The following CTNND2 variants were observed in gnomAD, a reference collection of about 807,000 sequenced individuals.
The protein encoded by CTNND2 is catenin delta-2.
In CTNND2, 22 loss-of-function variants were observed where a neutral mutation model predicts 144.4. The ratio of observed to expected loss-of-function variants is 0.15; its 90% CI spans 0.11 to 0.22. The LOEUF is 0.22. Ranked by LOEUF, CTNND2 falls within the 10% of genes least tolerant of loss-of-function variation. CTNND2 has a pLI of 1.00. For synonymous variants in CTNND2, 751 were observed against 695.6 expected (o/e 1.08, Z -1.25); for missense variants, 1,353 against 1,618.8 (o/e 0.84, Z 2.82).
intron 11 of CTNND2, among the ~76,000 whole-genome samples, chr5:11,196,546 G>A (rs1736873481): frequency 6.6e-6 from 1 of 152,188 alleles, no homozygotes; most frequent in Non-Finnish European, 1.5e-5. Flanking sequence ...TTAGATCTTT[G>A]TTTTGTTTAA....
chr5:11,302,975 C>T (rs1749771756), intron 9 of CTNND2, among the ~76,000 whole-genome samples: 2 of 152,164 alleles, frequency 1.3e-5, no homozygotes, highest in Non-Finnish European at 2.9e-5. Context: ...GACCCACAGG[C>T]ATAGCCAGAC....
rs74320358 is a variant in CTNND2 at position 11,781,991 on chromosome 5, C to T, written c.38-49719G>A. Among the ~76,000 whole-genome samples, 557 of 152,298 alleles carry T rather than the reference C, an allele frequency of 3.7e-3. 2 individuals are homozygous for T. Among genetic ancestry groups the T allele is most frequent in the Non-Finnish European group, 5.0e-3 (342 of 68,028 alleles). Reference sequence around the variant, plus strand: ...GATTGTAGCTCCCATAATCCAACCACGTCATGGGAGGGGCCTGGTGGGAGG... The same window carrying T: ...GATTGTAGCTCCCATAATCCAACCATGTCATGGGAGGGGCCTGGTGGGAGG... On this transcript the variant is annotated intron_variant, in intron 1 of 21. Transcript: ENST00000304623.
In CTNND2 at chr5:11,388,579, A is replaced by G. The variant is rs61749831; in HGVS notation, c.613-3350T>C. 9.3e-3 allele frequency among the ~76,000 whole-genome samples: 1,414 copies of G among 152,350 alleles called. 16 individuals carry two copies. Among genetic ancestry groups the G allele is most frequent in the African/African-American group, 0.032 (1,340 of 41,578 alleles). On this transcript the variant is annotated intron_variant, in intron 6 of 21. Transcript: ENST00000304623. Reference sequence around the variant, plus strand: ...ATAGAGTAATAAATGCCTAAGAACTATTCTTTGGTTAAACAGAGAAATTTG... The same window carrying G: ...ATAGAGTAATAAATGCCTAAGAACTGTTCTTTGGTTAAACAGAGAAATTTG...
chr5:10,994,371 A>G (rs1387791631), intron 18 of CTNND2, among the ~76,000 whole-genome samples: 1 of 19,858 alleles, frequency 5.0e-5, no homozygotes, highest in Non-Finnish European at 9.7e-5. Flanking sequence ...GGGAAGGAGG[A>G]AGGGGCCGGG....
chr5:11,901,834 T>C (rs949655192), intron 1 of CTNND2, among the ~76,000 whole-genome samples: 1 of 152,110 alleles, frequency 6.6e-6, no homozygotes, highest in Non-Finnish European at 1.5e-5. Flanking sequence ...AACTAGTCCT[T>C]TAAAAATCAT....
intron 1 of CTNND2, among the ~76,000 whole-genome samples, chr5:11,797,186 T>A (rs564758106): frequency 2.7e-4 from 41 of 152,282 alleles, no homozygotes; most frequent in African/African-American, 9.9e-4. Flanking sequence ...AGGAAAAGAC[T>A]TTAAAAGTCT....
chr5:11,397,235 A>G (rs1301465191), intron 5 of CTNND2, 32 bp from the exon 6 acceptor site: 1 of 1,594,012 alleles, frequency 6.3e-7, no homozygotes, highest in Non-Finnish European at 8.6e-7. Context: ...GCAGTCAGTG[A>G]CAGTCTCAGT....
intron 1 of CTNND2, among the ~76,000 whole-genome samples, chr5:11,749,829 A>T (rs1247335158): frequency 6.6e-6 from 1 of 152,034 alleles, no homozygotes; most frequent in Non-Finnish European, 1.5e-5. Flanking sequence ...TTGTCATCAG[A>T]TGATCTAATC....
intron 9 of CTNND2, among the ~76,000 whole-genome samples, chr5:11,306,351 C>T (rs547895621): frequency 6.6e-6 from 1 of 152,296 alleles, no homozygotes; most frequent in East Asian, 1.9e-4. Context: ...GGTCTATTTG[C>T]TTCACTTATC....
chr5:11,817,739 C>T (rs1793070269), intron 1 of CTNND2, among the ~76,000 whole-genome samples: 1 of 152,008 alleles, frequency 6.6e-6, no homozygotes, highest in Non-Finnish European at 1.5e-5. Flanking sequence ...GATGCGAGTC[C>T]ACTCACAAAG....
chr5:11,832,396 A>C (rs541543674), intron 1 of CTNND2, among the ~76,000 whole-genome samples: 1 of 152,342 alleles, frequency 6.6e-6, no homozygotes, highest in South Asian at 2.1e-4. Flanking sequence ...CACTTATCTA[A>C]TAAAAGACTT....
intron 5 of CTNND2, among the ~76,000 whole-genome samples, chr5:11,409,049 T>A (rs890436778): frequency 6.6e-6 from 1 of 152,074 alleles, no homozygotes; most frequent in African/African-American, 2.4e-5. Flanking sequence ...TTGTTTTCTA[T>A]TTTTAATCAT....
chr5:11,189,952 G>GT lies in CTNND2; in HGVS notation c.1975+9495dup, dbSNP rs145339956. Among the ~76,000 whole-genome samples, 1,083 of 152,334 alleles carry GT rather than the reference G, an allele frequency of 7.1e-3. 6 individuals are homozygous for GT. Among genetic ancestry groups the GT allele is most frequent in the Non-Finnish European group, 9.9e-3 (673 of 68,026 alleles). On this transcript the variant is annotated intron_variant, in intron 11 of 21. Transcript: ENST00000304623. ...AGGAATCAGAACAGTGCTGAGGGTT[G>GT]TAAGTTTTTGCCCTCTGCCTGTGCA...
At chr5:11,343,257 G>A (rs886516229) in intron 9 of CTNND2, among the ~76,000 whole-genome samples, 1 of 152,190 alleles carries the variant, frequency 6.6e-6, no homozygotes, top group Non-Finnish European at 1.5e-5. Flanking sequence ...GTCTAATGAT[G>A]AAGTGGAACT....
chr5:11,635,392 AGAT>A (rs1376541746), intron 2 of CTNND2, among the ~76,000 whole-genome samples: 1 of 152,180 alleles, frequency 6.6e-6, no homozygotes, highest in Non-Finnish European at 1.5e-5. Flanking sequence ...AAAAGGAAGA[AGAT>A]GAAGGAGGAG....
intron 9 of CTNND2, among the ~76,000 whole-genome samples, chr5:11,250,569 G>T (rs1488237460): frequency 1.4e-5 from 2 of 144,654 alleles, no homozygotes; most frequent in Non-Finnish European, 3.0e-5. Context: ...CTAGGTTGGG[G>T]TGTGGTGGTG....
At chr5:11,480,084 G>C (rs1768106215) in intron 3 of CTNND2, among the ~76,000 whole-genome samples, 2 of 152,092 alleles carry the variant, frequency 1.3e-5, no homozygotes, top group South Asian at 2.1e-4. Context: ...ATCTTTGCCA[G>C]TTCCTATGTC....
intron 9 of CTNND2, among the ~76,000 whole-genome samples, chr5:11,336,818 A>G (rs116110556): frequency 0.01 from 1,559 of 152,266 alleles, 30 homozygotes; most frequent in African/African-American, 0.036. Context: ...TGCTCATATC[A>G]CACAAATACA....
At chr5:11,512,128 AGTCTCATTG>A (rs1203444608) in intron 3 of CTNND2, among the ~76,000 whole-genome samples, 11 of 152,174 alleles carry the variant, frequency 7.2e-5, no homozygotes, top group Non-Finnish European at 1.5e-5. Context: ...TGACCTACGC[AGTCTCATTG>A]GGCCCCACAC....
Sources: allele counts gnomAD v4.1 joint callset (sites outside exome capture counted in the v4.1 genomes callset), GRCh38; gene constraint gnomAD v4.1.1; transcripts MANE v1.5; gene names NCBI Gene and HGNC (gene_info 2026-07-23, HGNC 2026-07-21).